Variants in ZNF506 observed in about 807,000 individuals in gnomAD.
ZNF506 encodes the protein zinc finger protein 506.
ZNF506 carries 10 observed loss-of-function variants against 11.6 expected under a neutral mutation model. The observed-to-expected ratio is 0.86, with a 90% CI of 0.53 to 1.46. The LOEUF is 1.46. Among genes scored for constraint, ZNF506 ranks in the 40% most tolerant of loss-of-function variants. The pLI, the probability that ZNF506 is intolerant of heterozygous loss-of-function variation, is 0.00. For synonymous variants in ZNF506, 156 were observed against 173.3 expected (o/e 0.90, Z 0.78); for missense variants, 425 against 521.2 (o/e 0.82, Z 1.80).
At chr19:19,808,108 CTTTTTTTTTTTTTTTTTTTTT>C (rs757160026) in intron 1 of ZNF506, among the ~76,000 whole-genome samples, 10 of 56,774 alleles carry the variant, frequency 1.8e-4, no homozygotes, top group South Asian at 1.8e-3. Flanking sequence ...TCATTAACCA[CTTTTTTTTTTTTTTTTTTTTT>C]TTTTTTTTTT....
chr19:19,806,087 T>G lies in ZNF506; in HGVS notation c.170A>C (p.Glu57Ala), dbSNP rs960936010. The G allele has an allele frequency of 2.5e-6, 4 of 1,607,870 alleles. No individual in the cohort carries two copies. The Admixed American group carries it at 6.9e-5, about 28-fold the overall frequency. Reference sequence around the variant, plus strand: ...CATAGTTAAAGGTTTTTTTCCTTGCTCCAGACAGGTGATCAGGTTTGGTTT... The same window carrying G: ...CATAGTTAAAGGTTTTTTTCCTTGCGCCAGACAGGTGATCAGGTTTGGTTT... Reference protein sequence around the residue: ...VSKPNLITCLEQGKKPLTMKR... With the variant: ...VSKPNLITCLAQGKKPLTMKR... Residue 57 changes from glutamate (E) to alanine (A), a missense_variant, in exon 3 of 4, where the codon GAG (glutamate) becomes GCG (alanine). By Grantham distance (107) the Glu-to-Ala change is moderately radical (BLOSUM62 -1). Coordinates refer to ENST00000540806, the MANE Select transcript of ZNF506 (RefSeq NM_001099269.3).
intron 1 of ZNF506, among the ~76,000 whole-genome samples, chr19:19,818,644 T>C (rs1351830963): frequency 6.6e-6 from 1 of 152,194 alleles, no homozygotes; most frequent in African/African-American, 2.4e-5. Flanking sequence ...ACTCATCTCT[T>C]TTATGTGCTT....
chr19:19,798,738 AAAAT>A (rs1480286636), intron 3 of ZNF506: 1 of 151,636 alleles, frequency 6.6e-6, no homozygotes, highest in Non-Finnish European at 1.5e-5. Flanking sequence ...TGTCAACACA[AAAAT>A]AAAAAAAACT....
intron 3 of ZNF506, among the ~76,000 whole-genome samples, chr19:19,800,464 C>T (rs148098623): frequency 0.015 from 2,177 of 147,680 alleles, 31 homozygotes; most frequent in Non-Finnish European, 0.02. Context: ...TCTCCGAGGC[C>T]GGAGTACAGT....
rs1392040877 is a variant in ZNF506, at chr19:19,800,424, T to TTATATA, written c.227-4765_227-4764insTATATA. ...TATATATATATATATTTATATATAT[T>TTATATA]ATTTTTTTTCGAGATGGAGTCTCAC... On this transcript the variant is annotated intron_variant, in intron 3 of 3. Transcript: ENST00000540806. 2.7e-5 allele frequency among the ~76,000 whole-genome samples: 3 copies of TTATATA among 113,066 alleles called. No individual in the cohort carries two copies. In the East Asian group the frequency reaches 1.3e-3, roughly 48 times the overall value. 74.2% of individuals were successfully genotyped at this position (113,066 alleles called of 152,430 possible). A position where few individuals can be genotyped will look rare whatever the true frequency, so the allele number is the denominator to read the frequency against.
chr19:19,807,524 T>G (rs2062844826), intron 1 of ZNF506, among the ~76,000 whole-genome samples: 2 of 152,098 alleles, frequency 1.3e-5, no homozygotes, highest in South Asian at 4.1e-4. Context: ...TATTTATTTA[T>G]AGATGGAGTT....
At chr19:19,807,567 C>T (rs1050037216) in intron 1 of ZNF506, among the ~76,000 whole-genome samples, 1 of 151,978 alleles carries the variant, frequency 6.6e-6, no homozygotes, top group Non-Finnish European at 1.5e-5. Context: ...AGTGCAATGG[C>T]GCCATCTTGG....
chr19:19,821,707 C>G lies in ZNF506; in HGVS notation c.-104G>C, dbSNP rs1467103802. On this transcript the variant is annotated 5_prime_UTR_variant, in exon 1 of 4. Transcript: ENST00000540806. The stretch of plus-strand genomic sequence containing the variant: ...GCCTCTAGGAGCTGACGGCACAGAG[C>G]AGTGAAGACGATAGCTGGATCTCTG... 1.2e-5 allele frequency: 17 copies of G among 1,438,312 alleles called. No homozygotes were observed. Among genetic ancestry groups the G allele is most frequent in the East Asian group, 1.1e-4 (5 of 43,674 alleles). 89.1% of individuals were successfully genotyped at this position (1,438,312 alleles called of 1,614,324 possible).
intron 1 of ZNF506, among the ~76,000 whole-genome samples, chr19:19,808,375 G>A (rs1450009653): frequency 2.7e-5 from 4 of 147,580 alleles, no homozygotes. Flanking sequence ...CGCCCGCCTC[G>A]GCCTCCCAAA....
chr19:19,802,792 C>A (rs887386622), intron 3 of ZNF506, among the ~76,000 whole-genome samples: 4 of 152,108 alleles, frequency 2.6e-5, no homozygotes, highest in Non-Finnish European at 4.4e-5. Context: ...GGGAGAGTGA[C>A]CTCACTAAGA....
At chr19:19,814,626 C>G (rs1004759112) in intron 1 of ZNF506, among the ~76,000 whole-genome samples, 2 of 151,756 alleles carry the variant, frequency 1.3e-5, no homozygotes, top group Non-Finnish European at 2.9e-5. Flanking sequence ...AAGTAATCTG[C>G]ACACCAAACC....
intron 3 of ZNF506, among the ~76,000 whole-genome samples, chr19:19,804,445 G>C (rs1483418487): frequency 2.0e-5 from 3 of 152,204 alleles, no homozygotes; most frequent in Admixed American, 1.3e-4. Context: ...AGATGCTAGA[G>C]AGGATGTGGA....
Position 19,806,102 on chromosome 19 carries a change from A to G in ZNF506, c.155T>C (p.Leu52Pro), listed in dbSNP as rs1232235657. 6.2e-7 allele frequency: 1 copy of G among 1,605,168 alleles called. No homozygotes were observed. Among genetic ancestry groups the G allele is most frequent in the Non-Finnish European group, 8.5e-7 (1 of 1,177,674 alleles). The part of the protein sequence containing the change: ...FLGIVVSKPN[L>P]ITCLEQGKKP... ...TTTTCCTTGCTCCAGACAGGTGATC[A>G]GGTTTGGTTTAGAGACAACAATACC... Residue 52 changes from leucine to proline, a missense_variant, in exon 3 of 4, where the codon CTG becomes CCG. Leu to Pro is a moderately conservative substitution (Grantham distance 98, BLOSUM62 -3). Coordinates refer to ENST00000540806, the MANE Select transcript of ZNF506 (RefSeq NM_001099269.3).
chr19:19,810,437 A>G (rs2062874856), intron 1 of ZNF506, among the ~76,000 whole-genome samples: 1 of 152,234 alleles, frequency 6.6e-6, no homozygotes, highest in Non-Finnish European at 1.5e-5. Flanking sequence ...TATGATACAG[A>G]GCACTATGCT....
At chr19:19,818,911 C>T (rs941688235) in intron 1 of ZNF506, among the ~76,000 whole-genome samples, 49 of 152,262 alleles carry the variant, frequency 3.2e-4, no homozygotes, top group African/African-American at 2.2e-4. Context: ...TCACTTGAAC[C>T]CAGGAGCCAG....
chr19:19,814,669 T>C (rs7246727), intron 1 of ZNF506, among the ~76,000 whole-genome samples: 73,082 of 150,946 alleles, frequency 0.48, 18,878 homozygotes, highest in East Asian at 0.71. Context: ...GTAACAAACC[T>C]ACATGTGTAC....
intron 3 of ZNF506, among the ~76,000 whole-genome samples, chr19:19,801,845 CAATAAT>C (rs781503145): frequency 6.6e-6 from 1 of 150,988 alleles, no homozygotes; most frequent in African/African-American, 2.4e-5. Context: ...AACTTCAAAA[CAATAAT>C]AAGAGAAATG....
At chr19:19,806,467 G>C (rs1480006342) in intron 2 of ZNF506, 1 of 188,776 alleles carries the variant, frequency 5.3e-6, no homozygotes, top group Non-Finnish European at 1.1e-5. Context: ...ATGTTGGTCA[G>C]GCTGGTCTCG....
intron 3 of ZNF506, 73 bp from the exon 4 acceptor site, chr19:19,795,733 TA>T (rs1336581502): frequency 7.4e-6 from 10 of 1,352,464 alleles, no homozygotes; most frequent in Non-Finnish European, 9.8e-6. Flanking sequence ...ATCTAACCTA[TA>T]AAATTATACA....
Sources: gnomAD v4.1 joint callset for allele counts (sites outside exome capture counted in the v4.1 genomes callset) on GRCh38, gnomAD v4.1.1 for gene constraint, MANE v1.5 for transcripts, NCBI Gene and HGNC (gene_info 2026-07-23, HGNC 2026-07-21) for gene names.